Variants in PARN observed in about 807,000 individuals in gnomAD.
The protein encoded by PARN is poly(A)-specific ribonuclease, also known as poly(A)-specific ribonuclease PARN.
Under a neutral mutation model 102.8 loss-of-function variants are expected in PARN, and 71 were observed. The ratio of observed to expected loss-of-function variants is 0.69; its 90% confidence interval spans 0.57 to 0.84. The LOEUF (loss-of-function observed/expected upper bound fraction) is 0.84, where lower values mean the gene tolerates loss of function less well. Ranked by LOEUF, PARN falls within the 40% of genes least tolerant of loss-of-function variation. The pLI is 0.00. For synonymous variants in PARN, 261 were observed against 252.9 expected (o/e 1.03, Z -0.30); for missense variants, 782 against 760.9 (o/e 1.03, Z -0.33).
At chr16:14,618,296 G>A (rs2063613183) in intron 5 of PARN, among the ~76,000 whole-genome samples, 1 of 152,024 alleles carries the variant, frequency 6.6e-6, no homozygotes, top group Non-Finnish European at 1.5e-5. Context: ...GACCATCCTG[G>A]CTAACATGGT....
intron 22 of PARN, among the ~76,000 whole-genome samples, chr16:14,471,950 T>C (rs1962772500): frequency 6.6e-6 from 1 of 152,222 alleles, no homozygotes; most frequent in South Asian, 2.1e-4. Flanking sequence ...TGTAAGCATA[T>C]GCCACATTTT....
intron 22 of PARN, among the ~76,000 whole-genome samples, chr16:14,448,078 G>A (rs969613252): frequency 6.6e-6 from 1 of 151,860 alleles, no homozygotes; most frequent in Admixed American, 6.6e-5. Flanking sequence ...TCCGCCTCCC[G>A]GATTCAAGTG....
At chr16:14,570,815 C>CAAAAAA (rs761919651) in intron 18 of PARN, among the ~76,000 whole-genome samples, 5 of 38,742 alleles carry the variant, frequency 1.3e-4, no homozygotes, top group Admixed American at 5.4e-4. Flanking sequence ...CCCACCTCTA[C>CAAAAAA]AAAAAAAAAA....
intron 18 of PARN, among the ~76,000 whole-genome samples, chr16:14,568,381 T>G (rs1331728176): frequency 5.3e-5 from 8 of 151,280 alleles, no homozygotes; most frequent in Admixed American, 2.6e-4. Context: ...CCCAGCTAAT[T>G]TTTTTGTATT....
chr16:14,600,008 C>T (rs1596812671), intron 11 of PARN, 48 bp from the exon 12 acceptor site: 2 of 1,075,020 alleles, frequency 1.9e-6, no homozygotes, highest in Admixed American at 2.4e-5. Flanking sequence ...ATAAATATTC[C>T]TTATGTGAAT....
intron 21 of PARN, among the ~76,000 whole-genome samples, chr16:14,525,498 G>A (rs137930798): frequency 3.3e-5 from 5 of 152,266 alleles, no homozygotes; most frequent in African/African-American, 1.2e-4. Flanking sequence ...AGCAAACAGG[G>A]ACCATGAATC....
intron 21 of PARN, among the ~76,000 whole-genome samples, chr16:14,544,114 C>T (rs1322723821): frequency 6.6e-6 from 1 of 151,950 alleles, no homozygotes; most frequent in East Asian, 1.9e-4. Context: ...ATCGCTTGAA[C>T]CCGGGAGGTG....
chr16:14,498,122 CAAAAAA>C (rs34124932), intron 21 of PARN, among the ~76,000 whole-genome samples: 1 of 44,890 alleles, frequency 2.2e-5, no homozygotes, highest in Non-Finnish European at 4.5e-5. Flanking sequence ...GACTCCATCT[CAAAAAA>C]AAAAAAAAAA....
rs71373034 is a variant in PARN at position 14,584,492 on chromosome 16, A to AC, written c.1006-71dup. On this transcript the variant is annotated intron_variant, in intron 15 of 23. Coordinates refer to ENST00000437198, the MANE Select transcript of PARN (RefSeq NM_002582.4). Reference sequence around the variant, plus strand: ...AACAATATATTAAAGAGATTCACTGACCCCCCCAAAAAAAAGACAGCATCT... The same window carrying AC: ...AACAATATATTAAAGAGATTCACTGACCCCCCCCAAAAAAAAGACAGCATCT... 356,163 of 1,128,532 alleles carry AC rather than the reference A, an allele frequency of 0.32. 62,741 individuals are homozygous for AC. The highest frequency in any genetic ancestry group is 0.41 in the Admixed American group (20,108 of 49,302). The allele number at this position is 1,128,532 out of a possible 1,614,324, so 69.9% of individuals were successfully genotyped here.
intron 18 of PARN, among the ~76,000 whole-genome samples, chr16:14,569,377 G>A (rs1172765350): frequency 1.3e-5 from 2 of 152,086 alleles, no homozygotes; most frequent in African/African-American, 4.8e-5. Flanking sequence ...AGCCTTATCA[G>A]CGCTGCTGCC....
chr16:14,553,883 T>A (rs989916896), intron 20 of PARN, among the ~76,000 whole-genome samples, 182 bp downstream of exon 20: 2 of 152,226 alleles, frequency 1.3e-5, no homozygotes, highest in African/African-American at 4.8e-5. Flanking sequence ...CTATTAAAAG[T>A]TTCTCAGATG....
chr16:14,513,114 G>A (rs1422441139), intron 21 of PARN, among the ~76,000 whole-genome samples: 2 of 151,976 alleles, frequency 1.3e-5, no homozygotes, highest in Non-Finnish European at 2.9e-5. Context: ...TAGTAGAGAC[G>A]GGGTTTCACC....
chr16:14,475,772 G>T, intron 22 of PARN, among the ~76,000 whole-genome samples: 1 of 152,140 alleles, frequency 6.6e-6, no homozygotes, highest in Non-Finnish European at 1.5e-5. Context: ...AATCTTAATC[G>T]TACCTTTCTA....
chr16:14,630,260 C>T lies in PARN; in HGVS notation c.-135G>A. ...TGACGCCGGCCGCGACTTCCGGAAA[C>T]AGCGCGCGCCTGCTGCGCTTGCGTC... On this transcript the variant is annotated 5_prime_UTR_variant, in exon 1 of 24. Coordinates refer to ENST00000437198, the MANE Select transcript of PARN (RefSeq NM_002582.4). 3 of 747,868 alleles carry T rather than the reference C, an allele frequency of 4.0e-6. No homozygotes were observed. Among genetic ancestry groups the T allele is most frequent in the Non-Finnish European group, 6.5e-6 (3 of 463,878 alleles). 46.3% of individuals were successfully genotyped at this position (747,868 alleles called of 1,614,324 possible). A position where few individuals can be genotyped will look rare whatever the true frequency, so the allele number is the denominator to read the frequency against.
At position 14,627,500 on chromosome 16, in the gene PARN, A is replaced by G. The variant is rs1972750451; in HGVS notation, c.178-164T>C. Among the ~76,000 whole-genome samples the G allele has an allele frequency of 3.9e-5, 6 of 152,370 alleles. No homozygotes were observed. In the South Asian group the frequency reaches 1.2e-3, roughly 32 times the overall value. ...TGAATCAGAAGCATTATTAATTTGTATACATTTCATAATACTTTTCCCATT... is the reference window on the plus strand; with the variant it reads ...TGAATCAGAAGCATTATTAATTTGTGTACATTTCATAATACTTTTCCCATT... On this transcript the variant is annotated intron_variant, in intron 3 of 23. Transcript: ENST00000437198.
At chr16:14,570,008 T>C (rs1968689915) in intron 18 of PARN, among the ~76,000 whole-genome samples, 1 of 152,156 alleles carries the variant, frequency 6.6e-6, no homozygotes, top group Non-Finnish European at 1.5e-5. Context: ...GTGAACTATA[T>C]GGTATGTGAA....
intron 21 of PARN, among the ~76,000 whole-genome samples, chr16:14,513,791 T>C (rs1278941868): frequency 6.6e-6 from 1 of 152,184 alleles, no homozygotes; most frequent in African/African-American, 2.4e-5. Flanking sequence ...CTCTCTTTCT[T>C]AGAGAAGCCT....
chr16:14,552,757 T>C (rs1277817209), intron 20 of PARN, among the ~76,000 whole-genome samples: 3 of 152,116 alleles, frequency 2.0e-5, no homozygotes, highest in Non-Finnish European at 4.4e-5. Context: ...GAGACCAGCC[T>C]GACCAACATG....
At chr16:14,555,837 T>C (rs1967650498) in intron 18 of PARN, 128 bp from the exon 19 acceptor site, 3 of 489,164 alleles carry the variant, frequency 6.1e-6, no homozygotes, top group South Asian at 4.3e-5. Flanking sequence ...TAGAAGATCC[T>C]TGATATCACT....
Sources: gnomAD v4.1 joint callset for allele counts (sites outside exome capture counted in the v4.1 genomes callset) on GRCh38, gnomAD v4.1.1 for gene constraint, MANE v1.5 for transcripts, NCBI Gene and HGNC (gene_info 2026-07-23, HGNC 2026-07-21) for gene names.